The following LRCH2 variants were observed in gnomAD, a reference collection of about 807,000 sequenced individuals.
The protein encoded by LRCH2 is leucine-rich repeat and calponin homology domain-containing protein 2.
A neutral mutation model predicts 68.9 loss-of-function variants in LRCH2; 38 were observed. That is an observed-to-expected ratio of 0.55 (90% CI 0.43 to 0.72). The LOEUF is 0.72. LRCH2 is among the 30% of genes least tolerant of loss of function. LRCH2 has a pLI of 0.00. For synonymous variants in LRCH2, 191 were observed against 208.1 expected (o/e 0.92, Z 0.71); for missense variants, 528 against 572.9 (o/e 0.92, Z 0.80).
At chrX:115,120,826 G>T (rs2072132923) in intron 20 of LRCH2, among the ~76,000 whole-genome samples, 1 of 108,251 alleles carries the variant, frequency 9.2e-6, no homozygotes, top group African/African-American at 3.4e-5. Context: ...ATACGCCATG[G>T]AATACTATGC....
chrX:115,190,927 G>A (rs782706485), intron 1 of LRCH2: 133 of 1,159,624 alleles, frequency 1.1e-4, no homozygotes, highest in Non-Finnish European at 1.4e-4. Flanking sequence ...TGGGGGCCAC[G>A]ACAATTCCAG....
At chrX:115,206,423 T>A (rs2072967346) in intron 1 of LRCH2, among the ~76,000 whole-genome samples, 1 of 111,998 alleles carries the variant, frequency 8.9e-6, no homozygotes, top group South Asian at 3.7e-4. Context: ...TTTACCGGAA[T>A]GAGGGCAAGG....
chrX:115,191,032 A>G, intron 1 of LRCH2: 3 of 1,162,402 alleles, frequency 2.6e-6, no homozygotes, highest in African/African-American at 1.8e-5. Flanking sequence ...CGACACCCAC[A>G]GTGGGGGCCA....
At chrX:115,218,017 T>C (rs940506476) in intron 1 of LRCH2, among the ~76,000 whole-genome samples, 16 of 111,918 alleles carry the variant, frequency 1.4e-4, no homozygotes, top group African/African-American at 4.9e-4. Context: ...GTTGGCTGCA[T>C]AAATGTCTTC....
chrX:115,120,144 G>A (rs2072123855), intron 20 of LRCH2, among the ~76,000 whole-genome samples: 1 of 98,971 alleles, frequency 1.0e-5, no homozygotes, highest in Non-Finnish European at 2.0e-5. Flanking sequence ...CAAAAGCAAT[G>A]GCAACAAAAG....
intron 1 of LRCH2, among the ~76,000 whole-genome samples, chrX:115,212,968 C>T (rs1556570328): frequency 9.6e-6 from 1 of 104,267 alleles, no homozygotes; most frequent in East Asian, 3.2e-4. Context: ...AAGACCTTGT[C>T]TCATAAAAAA....
intron 14 of LRCH2, among the ~76,000 whole-genome samples, chrX:115,137,874 G>A (rs1225367770): frequency 1.8e-5 from 2 of 110,738 alleles, no homozygotes; most frequent in Non-Finnish European, 3.8e-5. Context: ...ACTTGAACCC[G>A]GCAGGCAGAG....
intron 1 of LRCH2, among the ~76,000 whole-genome samples, chrX:115,204,391 G>A (rs1379331527): frequency 8.8e-6 from 1 of 113,298 alleles, no homozygotes; most frequent in African/African-American, 3.2e-5. Flanking sequence ...AATTTCTGCA[G>A]CGGGCTTGAA....
At position 115,182,349 on chromosome X, in the gene LRCH2, A is replaced by G. The variant is rs1433589233; in HGVS notation, c.621+2062T>C. 6.2e-5 allele frequency among the ~76,000 whole-genome samples: 7 copies of G among 112,067 alleles called. No homozygotes were observed. The East Asian group carries it at 2.0e-3, about 31-fold the overall frequency. ...GAAAAACATTAATAGTGTTCAAGTC[A>G]AACAAAATAATGGTACCTTTTATTA... On this transcript the variant is annotated intron_variant, in intron 3 of 20. Transcript: ENST00000317135.
intron 2 of LRCH2, among the ~76,000 whole-genome samples, chrX:115,186,346 TAAA>T (rs782173753): frequency 1.1e-5 from 1 of 88,174 alleles, no homozygotes; most frequent in Admixed American, 1.3e-4. Flanking sequence ...AGACTCCGTC[TAAA>T]AAAAAAAAAA....
chrX:115,184,342 A>G, intron 3 of LRCH2, 69 bp downstream of exon 3: 1 of 868,037 alleles, frequency 1.2e-6, no homozygotes, highest in South Asian at 3.9e-5. Context: ...TTCCATTAAA[A>G]ATAGGTAATC....
At chrX:115,147,483 T>C (rs2072395687) in intron 14 of LRCH2, among the ~76,000 whole-genome samples, 1 of 111,613 alleles carries the variant, frequency 9.0e-6, no homozygotes, top group South Asian at 3.8e-4. Context: ...AGCTTATCTT[T>C]GCACCTAATT....
intron 20 of LRCH2, among the ~76,000 whole-genome samples, chrX:115,122,232 A>C (rs1371864025): frequency 6.3e-5 from 7 of 110,552 alleles, no homozygotes; most frequent in African/African-American, 2.3e-4. Context: ...AAGGAAAAAA[A>C]GATGGTAACA....
intron 14 of LRCH2, among the ~76,000 whole-genome samples, chrX:115,141,163 TG>T (rs2072335104): frequency 9.5e-6 from 1 of 105,242 alleles, no homozygotes; most frequent in Non-Finnish European, 2.0e-5. Context: ...GCGTGAACCT[TG>T]GGGATGGAGC....
intron 1 of LRCH2, among the ~76,000 whole-genome samples, chrX:115,193,562 C>A (rs1200931838): frequency 1.8e-5 from 2 of 112,148 alleles, no homozygotes; most frequent in African/African-American, 6.5e-5. Context: ...AAAATAAAAT[C>A]ATGGAATCGT....
chrX:115,187,114 A>G (rs1200286146), intron 2 of LRCH2, among the ~76,000 whole-genome samples: 2 of 111,958 alleles, frequency 1.8e-5, no homozygotes, highest in African/African-American at 6.5e-5. Context: ...CACCGCACCC[A>G]GCCAGGAAAC....
intron 15 of LRCH2, among the ~76,000 whole-genome samples, chrX:115,127,214 C>A (rs2147349958): frequency 9.0e-6 from 1 of 111,553 alleles, no homozygotes; most frequent in South Asian, 3.8e-4. Flanking sequence ...GGACGTGTTA[C>A]CAATCTGAGA....
At chrX:115,157,207 C>T (rs1393159257) in intron 11 of LRCH2, among the ~76,000 whole-genome samples, 2 of 107,413 alleles carry the variant, frequency 1.9e-5, no homozygotes, top group South Asian at 4.0e-4. Context: ...ACTATTTCTA[C>T]ATAATGTTAC....
intron 14 of LRCH2, among the ~76,000 whole-genome samples, chrX:115,134,209 C>T (rs782540017): frequency 1.8e-5 from 2 of 112,207 alleles, no homozygotes; most frequent in Admixed American, 1.9e-4. Flanking sequence ...AGAAGAAAAG[C>T]TGGAAGCTGT....
Sources: gnomAD v4.1 joint callset for allele counts (sites outside exome capture counted in the v4.1 genomes callset) on GRCh38, gnomAD v4.1.1 for gene constraint, MANE v1.5 for transcripts, NCBI Gene and HGNC (gene_info 2026-07-23, HGNC 2026-07-21) for gene names.